The following DNAH12 variants were observed in gnomAD, a reference collection of about 807,000 sequenced individuals.
The protein encoded by DNAH12 is axonemal beta dynein heavy chain 12.
A neutral mutation model predicts 371.5 loss-of-function variants in DNAH12; 285 were observed. That is an observed-to-expected ratio of 0.77 (90% CI 0.70 to 0.85). DNAH12 has a LOEUF of 0.85. Among genes scored for constraint, DNAH12 ranks in the 40% least tolerant of loss-of-function variants. The pLI is 0.00. For synonymous variants in DNAH12, 1,200 were observed against 1,213.0 expected (o/e 0.99, Z 0.22); for missense variants, 3,611 against 3,689.4 (o/e 0.98, Z 0.55).
chr3:57,532,395 G>C (rs1365248713), intron 2 of DNAH12, among the ~76,000 whole-genome samples: 1 of 152,118 alleles, frequency 6.6e-6, no homozygotes, highest in Non-Finnish European at 1.5e-5. Context: ...GTTGATGCTT[G>C]TAGAAGTTCT....
chr3:57,396,561 T>C (rs1374640714), intron 43 of DNAH12, among the ~76,000 whole-genome samples: 1 of 151,888 alleles, frequency 6.6e-6, no homozygotes, highest in African/African-American at 2.4e-5. Flanking sequence ...CTACAAGTGA[T>C]TCTTCTGCCT....
rs983767525 is a variant in DNAH12, at chr3:57,408,304, G to C, written c.6252C>G (p.Asn2084Lys). The change falls in exon 40 of 74, where the codon AAC (asparagine) becomes AAG (lysine). Residue 2084 changes from asparagine (N) to lysine (K), a missense_variant. By Grantham distance (94) the Asn-to-Lys change is moderately conservative. Coordinates refer to ENST00000495027, the MANE Select transcript of DNAH12 (RefSeq NM_001366028.2). The part of the protein sequence containing the change: ...EFPPEYFVIG[N>K]QIVNGTMEIY... ...CCTCCATAGTCCCATTGACTATCTG[G>C]TTCCCAATTACAAAGTACTCTGGAG... 1 of 1,550,442 alleles carries C rather than the reference G, an allele frequency of 6.4e-7. No homozygotes were observed. The highest frequency in any genetic ancestry group is 1.4e-5 in the African/African-American group (1 of 72,990).
At chr3:57,308,449 A>G (rs2061516846) in intron 69 of DNAH12, among the ~76,000 whole-genome samples, 1 of 151,368 alleles carries the variant, frequency 6.6e-6, no homozygotes, top group Non-Finnish European at 1.5e-5. Context: ...GCCTGTCCTC[A>G]GAATGCTACA....
intron 39 of DNAH12, among the ~76,000 whole-genome samples, chr3:57,410,891 T>G (rs1202663305): frequency 6.6e-6 from 1 of 151,040 alleles, no homozygotes; most frequent in East Asian, 1.9e-4. Flanking sequence ...GTAAGGAATA[T>G]CTACAAAAAC....
At chr3:57,542,497 T>C (rs13321893) in intron 2 of DNAH12, among the ~76,000 whole-genome samples, 21,867 of 152,174 alleles carry the variant, frequency 0.14, 1,999 homozygotes, top group Middle Eastern at 0.21. Flanking sequence ...GCAAGAAGTA[T>C]AGGCGATAAG....
At chr3:57,482,249 A>C (rs1282734132) in intron 13 of DNAH12, among the ~76,000 whole-genome samples, 2 of 152,202 alleles carry the variant, frequency 1.3e-5, no homozygotes, top group Non-Finnish European at 2.9e-5. Flanking sequence ...ACCCCATCAA[A>C]AAGTGGGCAA....
intron 29 of DNAH12, among the ~76,000 whole-genome samples, chr3:57,438,798 C>T (rs2065212406): frequency 6.6e-6 from 1 of 151,092 alleles, no homozygotes; most frequent in African/African-American, 2.4e-5. Flanking sequence ...ACTAAAAATA[C>T]AAAACTATCT....
chr3:57,502,019 G>A (rs1210922426), intron 10 of DNAH12, among the ~76,000 whole-genome samples: 1 of 151,850 alleles, frequency 6.6e-6, no homozygotes, highest in African/African-American at 2.4e-5. Flanking sequence ...CCATTCTCCT[G>A]CCTCAGCCTC....
chr3:57,428,923 T>A, intron 33 of DNAH12, 102 bp from the exon 34 acceptor site: 1 of 1,205,260 alleles, frequency 8.3e-7, no homozygotes, highest in Non-Finnish European at 1.1e-6. Flanking sequence ...CTTTATAATC[T>A]AGCTCCCATC....
intron 39 of DNAH12, among the ~76,000 whole-genome samples, chr3:57,413,362 T>G (rs139389627): frequency 0.024 from 3,601 of 152,274 alleles, 67 homozygotes; most frequent in Admixed American, 0.035. Flanking sequence ...ATTATAATGA[T>G]GGACACATAT....
At chr3:57,450,931 C>T (rs2065738837) in intron 25 of DNAH12, among the ~76,000 whole-genome samples, 1 of 152,212 alleles carries the variant, frequency 6.6e-6, no homozygotes, top group Non-Finnish European at 1.5e-5. Flanking sequence ...AAAGCTTACT[C>T]ATATCCCTGC....
In DNAH12 at chr3:57,428,632, C is replaced by T. The variant is rs761515385; in HGVS notation, c.5253+1G>A. On this transcript the variant is annotated splice_donor_variant, in intron 34 of 73. Coordinates refer to ENST00000495027, the MANE Select transcript of DNAH12 (RefSeq NM_001366028.2). LOFTEE classifies it high-confidence loss of function. ...AATAGGTCAGAGAATTATAGGATTA[C>T]CTTGCATTTTTTCTTACGCTGGTTT... 1 of 1,529,164 alleles carries T rather than the reference C, an allele frequency of 6.5e-7. No homozygotes were observed. Among genetic ancestry groups the T allele is most frequent in the South Asian group, 1.3e-5 (1 of 79,432 alleles). 94.7% of individuals were successfully genotyped at this position (1,529,164 alleles called of 1,614,324 possible).
chr3:57,540,131 A>G (rs184777173), intron 2 of DNAH12, among the ~76,000 whole-genome samples: 1 of 151,466 alleles, frequency 6.6e-6, no homozygotes, highest in African/African-American at 2.4e-5. Flanking sequence ...GTTCACTGTA[A>G]CCTCCACCTC....
chr3:57,323,325 A>G (rs951208699), intron 63 of DNAH12, 65 bp from the exon 64 acceptor site: 22 of 1,500,850 alleles, frequency 1.5e-5, no homozygotes, highest in African/African-American at 4.2e-5. Flanking sequence ...TGCCTTATGT[A>G]TAGGTGTTTT....
intron 43 of DNAH12, 33 bp downstream of exon 43, chr3:57,403,276 C>A: frequency 6.6e-7 from 1 of 1,517,500 alleles, no homozygotes. Context: ...ATACTGTTTT[C>A]ATTTTAGATA....
At chr3:57,496,654 T>C (rs144587666) in intron 11 of DNAH12, among the ~76,000 whole-genome samples, 22 of 152,262 alleles carry the variant, frequency 1.4e-4, no homozygotes, top group African/African-American at 5.3e-4. Flanking sequence ...CACTGTACTG[T>C]AAATAAAAAT....
intron 12 of DNAH12, among the ~76,000 whole-genome samples, chr3:57,486,670 T>C (rs1334423988): frequency 6.6e-6 from 1 of 151,498 alleles, no homozygotes; most frequent in African/African-American, 2.4e-5. Context: ...GTATTGAAGC[T>C]GAGGAAAGAG....
chr3:57,547,187 T>C (rs576620654), upstream of DNAH12, among the ~76,000 whole-genome samples: 22 of 134,200 alleles, frequency 1.6e-4, no homozygotes, highest in Non-Finnish European at 3.3e-4. Flanking sequence ...TATATATATA[T>C]GTATAGACAT....
chr3:57,458,296 T>C, intron 20 of DNAH12, 76 bp from the exon 21 acceptor site: 9 of 1,384,774 alleles, frequency 6.5e-6, no homozygotes, highest in Non-Finnish European at 8.5e-6. Flanking sequence ...ATCTATACTA[T>C]ATGTTAAAAT....
Sources: allele counts gnomAD v4.1 joint callset (sites outside exome capture counted in the v4.1 genomes callset), GRCh38; gene constraint gnomAD v4.1.1; transcripts MANE v1.5; gene names NCBI Gene and HGNC (gene_info 2026-07-23, HGNC 2026-07-21).